The following CRTC1 variants were observed in gnomAD, a reference collection of about 807,000 sequenced individuals.
CRTC1 encodes the protein CREB regulated transcription coactivator 1.
Under a neutral mutation model 66.1 loss-of-function variants are expected in CRTC1, and 18 were observed. The observed-to-expected ratio is 0.27, with a 90% CI of 0.19 to 0.40. The LOEUF is 0.40. Ranked by LOEUF, CRTC1 falls within the 10% of genes least tolerant of loss-of-function variation. The pLI is 1.00. For synonymous variants in CRTC1, 416 were observed against 398.8 expected (o/e 1.04, Z -0.51); for missense variants, 669 against 887.9 (o/e 0.75, Z 3.13).
At chr19:18,712,739 C>T (rs2053419819) in intron 1 of CRTC1, among the ~76,000 whole-genome samples, 1 of 151,984 alleles carries the variant, frequency 6.6e-6, no homozygotes, top group African/African-American at 2.4e-5. Flanking sequence ...GCGGGCAGAT[C>T]GCTCGAGGTC....
At chr19:18,743,292 G>A (rs552050375) in intron 2 of CRTC1, among the ~76,000 whole-genome samples, 3 of 152,370 alleles carry the variant, frequency 2.0e-5, no homozygotes, top group East Asian at 3.9e-4. Context: ...CCTGTTGGCC[G>A]GCTGTGCGGC....
chr19:18,744,701 G>A (rs1600913641), intron 2 of CRTC1, among the ~76,000 whole-genome samples: 1 of 152,184 alleles, frequency 6.6e-6, no homozygotes, highest in Non-Finnish European at 1.5e-5. Context: ...GCACTGGACA[G>A]CACAGTTCCC....
chr19:18,716,756 G>A (rs2053517526), intron 1 of CRTC1, among the ~76,000 whole-genome samples: 2 of 152,196 alleles, frequency 1.3e-5, no homozygotes, highest in Non-Finnish European at 2.9e-5. Context: ...GCGCTGCAGG[G>A]TTAACTTGAG....
At chr19:18,758,575 T>A (rs2054545043) in intron 6 of CRTC1, among the ~76,000 whole-genome samples, 1 of 151,956 alleles carries the variant, frequency 6.6e-6, no homozygotes. Flanking sequence ...CAGTGGGGGA[T>A]GAGTGTGGCT....
At chr19:18,707,486 T>C (rs1217154225) in intron 1 of CRTC1, among the ~76,000 whole-genome samples, 1 of 152,256 alleles carries the variant, frequency 6.6e-6, no homozygotes, top group Non-Finnish European at 1.5e-5. Flanking sequence ...AGTACCACAC[T>C]GTTTTGATTA....
chr19:18,768,804 G>C lies in CRTC1; in HGVS notation c.1320+11G>C. Reference sequence around the variant, plus strand: ...ATCGACATCGCCTCGGTAAGCCCAGGGTGGGGTCCCTCGGGGCCTGACTGG... The same window carrying C: ...ATCGACATCGCCTCGGTAAGCCCAGCGTGGGGTCCCTCGGGGCCTGACTGG... On this transcript the variant is annotated intron_variant, in intron 10 of 13. Coordinates refer to ENST00000321949, the MANE Select transcript of CRTC1 (RefSeq NM_015321.3). This position sits in a 1 kb window ranked among gnomAD's most constrained non-coding sequence, Gnocchi z 5.6. 1.3e-6 allele frequency: 2 copies of C among 1,590,894 alleles called. No individual in the cohort carries two copies. Among genetic ancestry groups the C allele is most frequent in the Non-Finnish European group, 1.7e-6 (2 of 1,169,858 alleles).
intron 5 of CRTC1, among the ~76,000 whole-genome samples, chr19:18,752,996 T>G (rs1365577238): frequency 6.6e-6 from 1 of 150,538 alleles, no homozygotes; most frequent in Non-Finnish European, 1.5e-5. Context: ...CGGGGCACGG[T>G]GGCGCACACC....
intron 1 of CRTC1, among the ~76,000 whole-genome samples, chr19:18,701,917 G>A (rs575164353): frequency 3.0e-4 from 42 of 138,870 alleles, no homozygotes; most frequent in Non-Finnish European, 6.0e-4. Flanking sequence ...CGCGCCCACC[G>A]TTTTGTTTTT....
At chr19:18,725,279 G>T (rs185244386) in intron 1 of CRTC1, among the ~76,000 whole-genome samples, 1 of 151,962 alleles carries the variant, frequency 6.6e-6, no homozygotes, top group African/African-American at 2.4e-5. Context: ...CTCTCCCCCA[G>T]CTCGGGCCTG....
chr19:18,716,275 C>T (rs1347893563), intron 1 of CRTC1, among the ~76,000 whole-genome samples: 1 of 150,100 alleles, frequency 6.7e-6, no homozygotes, highest in East Asian at 2.0e-4. Context: ...TTTTTTGAGA[C>T]GCAATCTTGC....
chr19:18,710,760 C>G (rs766116951), intron 1 of CRTC1, among the ~76,000 whole-genome samples: 2 of 152,148 alleles, frequency 1.3e-5, no homozygotes, highest in East Asian at 3.9e-4. Context: ...TACAGGCACC[C>G]GCCACTGTGC....
intron 5 of CRTC1, among the ~76,000 whole-genome samples, chr19:18,753,147 G>A (rs942430467): frequency 6.6e-6 from 1 of 151,964 alleles, no homozygotes; most frequent in African/African-American, 2.4e-5. Flanking sequence ...ATCGTGGCGG[G>A]CACCTGTAGT....
chr19:18,702,104 A>T (rs2053157959), intron 1 of CRTC1, among the ~76,000 whole-genome samples: 1 of 147,428 alleles, frequency 6.8e-6, no homozygotes, highest in Non-Finnish European at 1.5e-5. Context: ...TGTATTGTTA[A>T]TAGAGATGGG....
Position 18,760,331 on chromosome 19 carries a change from A to G in CRTC1, c.886+103A>G. 1 of 1,001,964 alleles carries G rather than the reference A, an allele frequency of 1.0e-6. No individual in the cohort carries two copies. The highest frequency in any genetic ancestry group is 1.5e-6 in the Non-Finnish European group (1 of 676,794). The allele number at this position is 1,001,964 out of a possible 1,614,324, so 62.1% of individuals were successfully genotyped here. A position where few individuals can be genotyped will look rare whatever the true frequency, so the allele number is the denominator to read the frequency against. On this transcript the variant is annotated intron_variant, in intron 8 of 13. Coordinates refer to ENST00000321949, the MANE Select transcript of CRTC1 (RefSeq NM_015321.3). The surrounding 1 kb of genome is among the most constrained non-coding windows in gnomAD (Gnocchi z 6.2). ...AGAGTCCCGTTCCAAATACTAGGGC[A>G]TGGGGGACAGGGCTGGGGGGCGGCC...
At chr19:18,765,746 AG>A (rs1248567479) in intron 9 of CRTC1, among the ~76,000 whole-genome samples, 1 of 152,160 alleles carries the variant, frequency 6.6e-6, no homozygotes, top group Admixed American at 6.5e-5. Flanking sequence ...GGATCAGTTG[AG>A]GTCAGGAGTT....
intron 1 of CRTC1, among the ~76,000 whole-genome samples, chr19:18,724,399 G>C (rs2053697321): frequency 1.3e-5 from 2 of 152,128 alleles, no homozygotes; most frequent in African/African-American, 4.8e-5. Flanking sequence ...TGCCCTGGAA[G>C]GGGAGACAGC....
chr19:18,718,743 G>A (rs564957841), intron 1 of CRTC1, among the ~76,000 whole-genome samples: 2 of 152,204 alleles, frequency 1.3e-5, no homozygotes, highest in African/African-American at 4.8e-5. Flanking sequence ...CCTTTTGGCT[G>A]TTGTCCATTG....
At chr19:18,750,108 C>T (rs931183845) in intron 5 of CRTC1, among the ~76,000 whole-genome samples, 5 of 152,208 alleles carry the variant, frequency 3.3e-5, no homozygotes, top group Non-Finnish European at 7.3e-5. Flanking sequence ...TGCAGGCGCA[C>T]GTTGGCTCCC....
At chr19:18,684,294 A>T (rs2052635650) in intron 1 of CRTC1, among the ~76,000 whole-genome samples, 1 of 151,908 alleles carries the variant, frequency 6.6e-6, no homozygotes, top group Non-Finnish European at 1.5e-5. Flanking sequence ...TGCAAGCACC[A>T]TTGGTAGCTG....
Sources: gnomAD v4.1 joint callset for allele counts (sites outside exome capture counted in the v4.1 genomes callset) on GRCh38, gnomAD v4.1.1 for gene constraint, Gnocchi (gnomAD v3.1) non-coding constraint, MANE v1.5 for transcripts, NCBI Gene and HGNC (gene_info 2026-07-23, HGNC 2026-07-21) for gene names.